Variants in CHEK2 observed in about 807,000 individuals in gnomAD.
CHEK2 encodes the protein serine/threonine-protein kinase Chk2.
CHEK2 carries 71 observed loss-of-function variants against 69.1 expected under a neutral mutation model. The ratio of observed to expected loss-of-function variants is 1.03; its 90% confidence interval spans 0.85 to 1.25. CHEK2 has a LOEUF of 1.25. Ranked by LOEUF, CHEK2 falls within the 50% of genes most tolerant of loss-of-function variation. The pLI, the probability that CHEK2 is intolerant of heterozygous loss-of-function variation, is 0.00. For synonymous variants in CHEK2, 189 were observed against 226.9 expected, an observed-to-expected ratio of 0.83 and a Z score of 1.50; for missense variants, 664 against 649.6, an observed-to-expected ratio of 1.02 and a Z score of -0.24.
chr22:28,704,121 G>GAC (rs10565000), intron 7 of CHEK2, among the ~76,000 whole-genome samples: 1,971 of 142,988 alleles, frequency 0.014, 14 homozygotes, highest in East Asian at 0.032. Flanking sequence ...GAGACAGACA[G>GAC]ACACACACAC....
chr22:28,720,879 A>T (rs1183586583), intron 4 of CHEK2, among the ~76,000 whole-genome samples: 1 of 152,244 alleles, frequency 6.6e-6, no homozygotes, highest in Non-Finnish European at 1.5e-5. Flanking sequence ...GCCATTGTCC[A>T]CACAAGTCAG....
intron 1 of CHEK2, among the ~76,000 whole-genome samples, chr22:28,736,846 G>T (rs1346760511): frequency 6.6e-6 from 1 of 151,040 alleles, no homozygotes; most frequent in Non-Finnish European, 1.5e-5. Flanking sequence ...AGGAAGGTGA[G>T]GTGGGAGGAT....
In CHEK2 at chr22:28,719,558, T is replaced by C. The variant is rs1255012751; in HGVS notation, c.593-73A>G. On this transcript the variant is annotated intron_variant, in intron 4 of 14. Coordinates refer to ENST00000404276, the MANE Select transcript of CHEK2 (RefSeq NM_007194.4). ...AGGCGATCACTGATTCTAAAATTTA[T>C]TCATCATATGGAATATAAGAACTGT... 4 of 850,362 alleles carry C rather than the reference T, an allele frequency of 4.7e-6. No individual in the cohort carries two copies. In the African/African-American group the frequency reaches 6.8e-5, roughly 14 times the overall value. 52.7% of individuals were successfully genotyped at this position (850,362 alleles called of 1,614,324 possible). A position where few individuals can be genotyped will look rare whatever the true frequency, so the allele number is the denominator to read the frequency against.
chr22:28,723,827 T>C (rs2053891460), intron 4 of CHEK2, among the ~76,000 whole-genome samples: 1 of 151,816 alleles, frequency 6.6e-6, no homozygotes, highest in African/African-American at 2.4e-5. Flanking sequence ...CATGTGTCTG[T>C]GGTCACAGCT....
intron 2 of CHEK2, chr22:28,730,486 CAGG>C (rs1450504312): frequency 1.4e-6 from 1 of 699,516 alleles, no homozygotes; most frequent in African/African-American, 1.7e-5. Flanking sequence ...GAGGCTGAGG[CAGG>C]AGGATCAGAT....
Position 28,734,710 on chromosome 22 carries a change from C to T in CHEK2, c.12G>A (p.Glu4=), listed in dbSNP as rs1213043094. 2 of 1,613,552 alleles carry T rather than the reference C, an allele frequency of 1.2e-6. No homozygotes were observed. The highest frequency in any genetic ancestry group is 1.7e-6 in the Non-Finnish European group (2 of 1,180,008). The part of the protein sequence containing the change: MSR[E]SDVEAQQSHG... ...GAGACTGCTGAGCCTCAACATCCGA[C>T]TCCCGAGACATCACGACCTCAAAAA... Residue 4 remains glutamate, a synonymous_variant, in exon 2 of 15, where the codon GAG becomes GAA. Transcript: ENST00000404276.
At chr22:28,715,411 T>TTATA (rs1422855711) in intron 5 of CHEK2, among the ~76,000 whole-genome samples, 1 of 151,402 alleles carries the variant, frequency 6.6e-6, no homozygotes, top group Admixed American at 6.6e-5. Flanking sequence ...ATTTATTTAT[T>TTATA]TATTTATTTT....
chr22:28,724,958 C>T lies in CHEK2; in HGVS notation c.592+19G>A, dbSNP rs1569157121. ...AGTGGAAAAAAAAAATTCCAGTAACCATAAGATAATAATATTACCTTTATT... is the reference window on the plus strand; with the variant it reads ...AGTGGAAAAAAAAAATTCCAGTAACTATAAGATAATAATATTACCTTTATT... On this transcript the variant is annotated intron_variant, in intron 4 of 14. Coordinates refer to ENST00000404276, the MANE Select transcript of CHEK2 (RefSeq NM_007194.4). The T allele has an allele frequency of 6.2e-7, 1 of 1,613,200 alleles. No homozygotes were observed. The highest frequency in any genetic ancestry group is 8.5e-7 in the Non-Finnish European group (1 of 1,179,230).
Position 28,725,133 on chromosome 22 carries a change from G to T in CHEK2, c.445-9C>A. The T allele has an allele frequency of 6.2e-7, 1 of 1,614,078 alleles. No individual in the cohort carries two copies. ...TTTTTAGGACCCACTTCCTAAAATA[G>T]AGAACATTTTGTTTCAGACTTTGAA... On this transcript the variant is annotated splice_polypyrimidine_tract_variant and intron_variant, in intron 3 of 14. Coordinates refer to ENST00000404276, the MANE Select transcript of CHEK2 (RefSeq NM_007194.4).
In CHEK2 at chr22:28,705,911, C is replaced by G. The variant is rs184843143; in HGVS notation, c.847-2345G>C. On this transcript the variant is annotated intron_variant, in intron 7 of 14. Transcript: ENST00000404276. ...TGAGCCTAAATCGCGCCATGGCACT[C>G]TAGCCTGGGCAACAAGAGTGAAACT... is the stretch of plus-strand genomic sequence containing the variant. Among the ~76,000 whole-genome samples, 498 of 152,002 alleles carry G rather than the reference C, an allele frequency of 3.3e-3. 1 individual carries two copies. The highest frequency in any genetic ancestry group is 0.011 in the African/African-American group (473 of 41,480).
chr22:28,732,829 T>A lies in CHEK2; in HGVS notation c.319+1574A>T, dbSNP rs193000484. ...TAAGCGAAAGGAAAAAAAACACTAT[T>A]TTTTTTGGCCGGAGTGCAGTGGTGC... On this transcript the variant is annotated intron_variant, in intron 2 of 14. Coordinates refer to ENST00000404276, the MANE Select transcript of CHEK2 (RefSeq NM_007194.4). Among the ~76,000 whole-genome samples, 690 of 152,128 alleles carry A rather than the reference T, an allele frequency of 4.5e-3. 5 individuals are homozygous for A. Among genetic ancestry groups the A allele is most frequent in the Non-Finnish European group, 7.2e-3 (489 of 67,972 alleles).
Position 28,687,911 on chromosome 22 carries a change from C to G in CHEK2, c.1618G>C (p.Ala540Pro), listed in dbSNP as rs767414081. Residue 540 changes from alanine (A) to proline (P), a missense_variant, in exon 15 of 15, where the codon GCT (alanine) becomes CCT (proline). Physicochemically the swap from Ala to Pro is conservative, Grantham distance 27. Transcript: ENST00000404276. ...AETTKRPAVCAAVL is the reference protein window; with the variant it reads ...AETTKRPAVCPAVL Reference sequence around the variant, plus strand: ...AACCACGGAGTTCACAACACAGCAGCACACACAGCTGGGCGCTTTGTGGTC... The same window carrying G: ...AACCACGGAGTTCACAACACAGCAGGACACACAGCTGGGCGCTTTGTGGTC... 6.3e-7 allele frequency: 1 copy of G among 1,596,204 alleles called. No individual in the cohort carries two copies. The highest frequency in any genetic ancestry group is 1.7e-5 in the Admixed American group (1 of 60,002).
chr22:28,703,713 G>T, intron 7 of CHEK2, 147 bp from the exon 8 acceptor site: 1 of 645,836 alleles, frequency 1.5e-6, no homozygotes, highest in Non-Finnish European at 2.8e-6. Flanking sequence ...TTCAATCAGG[G>T]GAGAAGGCAG....
chr22:28,719,304 T>C (rs2053686292), intron 5 of CHEK2, 91 bp downstream of exon 5: 1 of 678,936 alleles, frequency 1.5e-6, no homozygotes, highest in African/African-American at 1.8e-5. Context: ...TATCAATACA[T>C]AATGAGTGTT....
chr22:28,719,311 T>G, intron 5 of CHEK2, 84 bp downstream of exon 5: 1 of 693,886 alleles, frequency 1.4e-6, no homozygotes. Flanking sequence ...ACATAATGAG[T>G]GTTATAAAAT....
chr22:28,708,033 A>G (rs903767415), intron 7 of CHEK2, among the ~76,000 whole-genome samples: 3 of 151,140 alleles, frequency 2.0e-5, no homozygotes, highest in Admixed American at 2.0e-4. Flanking sequence ...TAGAGACGGG[A>G]TTTCACCGTG....
intron 1 of CHEK2, among the ~76,000 whole-genome samples, chr22:28,741,126 G>A (rs1364506301): frequency 2.3e-5 from 3 of 131,716 alleles, no homozygotes; most frequent in Non-Finnish European, 4.6e-5. Flanking sequence ...CTCCAGCCTG[G>A]CAACAGAGAG....
chr22:28,723,843 G>A (rs1400237098), intron 4 of CHEK2, among the ~76,000 whole-genome samples: 2 of 152,010 alleles, frequency 1.3e-5, no homozygotes, highest in East Asian at 3.9e-4. Context: ...CAGCTACTCA[G>A]GAGGCTAAGG....
In CHEK2 at chr22:28,691,434, C is replaced by T. The variant is rs150010156; in HGVS notation, c.1462-2219G>A. ...TAGAGGTTGCAGTGAGCTGAGATCA[C>T]ACCATTGCACTCCAGCCTGGTAGAC... On this transcript the variant is annotated intron_variant, in intron 13 of 14. Coordinates refer to ENST00000404276, the MANE Select transcript of CHEK2 (RefSeq NM_007194.4). Among the ~76,000 whole-genome samples the T allele has an allele frequency of 3.6e-3, 552 of 152,356 alleles. 3 individuals carry two copies. The East Asian group carries it at 0.051, about 14-fold the overall frequency.
Sources: gnomAD v4.1 joint callset for allele counts (sites outside exome capture counted in the v4.1 genomes callset) on GRCh38, gnomAD v4.1.1 for gene constraint, MANE v1.5 for transcripts, NCBI Gene and HGNC (gene_info 2026-07-23, HGNC 2026-07-21) for gene names.